Variants in MUC13 observed in about 807,000 individuals in gnomAD.
MUC13 encodes mucin-13.
MUC13 carries 32 observed loss-of-function variants against 48.3 expected under a neutral mutation model. The observed-to-expected ratio is 0.66, with a 90% CI of 0.50 to 0.89. The LOEUF (loss-of-function observed/expected upper bound fraction) is 0.89, where lower values mean the gene tolerates loss of function less well. Ranked by LOEUF, MUC13 falls within the 40% of genes least tolerant of loss-of-function variation. MUC13 has a pLI of 0.00. For synonymous variants in MUC13, 199 were observed against 224.9 expected, an observed-to-expected ratio of 0.88 and a Z score of 1.03; for missense variants, 571 against 622.8, an observed-to-expected ratio of 0.92 and a Z score of 0.88.
rs373691376 is a variant in MUC13 at position 124,910,599 on chromosome 3, C to T, written c.1253-100G>A. 3.2e-4 allele frequency: 484 copies of T among 1,520,796 alleles called. 1 individual carries two copies. The highest frequency in any genetic ancestry group is 1.2e-3 in the East Asian group (51 of 41,030). The allele number at this position is 1,520,796 out of a possible 1,614,324, so 94.2% of individuals were successfully genotyped here. A position where few individuals can be genotyped will look rare whatever the true frequency, so the allele number is the denominator to read the frequency against. Reference sequence around the variant, plus strand: ...TCCCAGGGACTCCTAGCTGTGAAGACGATCAGGTTCTGGTCTCCAACCCTC... The same window carrying T: ...TCCCAGGGACTCCTAGCTGTGAAGATGATCAGGTTCTGGTCTCCAACCCTC... On this transcript the variant is annotated intron_variant, in intron 9 of 11. Transcript: ENST00000616727.
intron 1 of MUC13, among the ~76,000 whole-genome samples, chr3:124,931,430 C>T (rs1228630675): frequency 1.2e-5 from 1 of 85,874 alleles, no homozygotes; most frequent in Non-Finnish European, 2.3e-5. Flanking sequence ...GACTCTGTCT[C>T]AAAAAAAAAA....
intron 1 of MUC13, among the ~76,000 whole-genome samples, chr3:124,928,324 A>T (rs1935731851): frequency 6.6e-6 from 1 of 152,222 alleles, no homozygotes; most frequent in South Asian, 2.1e-4. Context: ...TTAAAAATTA[A>T]ACAGACAAAA....
intron 1 of MUC13, among the ~76,000 whole-genome samples, chr3:124,929,402 A>T (rs1039924030): frequency 8.8e-5 from 8 of 90,934 alleles, no homozygotes; most frequent in East Asian, 2.2e-4. Flanking sequence ...ACAATAGGTT[A>T]AAAAAATTAT....
intron 8 of MUC13, 131 bp from the exon 9 acceptor site, chr3:124,912,272 CT>C: frequency 5.2e-6 from 7 of 1,359,076 alleles, no homozygotes; most frequent in Non-Finnish European, 7.0e-6. Context: ...TTTTTTTCCT[CT>C]TTCTTTTGCC....
intron 1 of MUC13, among the ~76,000 whole-genome samples, chr3:124,930,781 C>A (rs1935782327): frequency 6.6e-6 from 1 of 152,148 alleles, no homozygotes; most frequent in Admixed American, 6.5e-5. Context: ...CGCCTTTCTC[C>A]CAGATCTGAA....
At chr3:124,910,344 G>T in intron 10 of MUC13, 71 bp downstream of exon 10, 1 of 1,566,422 alleles carries the variant, frequency 6.4e-7, no homozygotes, top group South Asian at 1.2e-5. Context: ...GACCAACATG[G>T]GCAACATAGT....
chr3:124,913,279 A>T (rs1935456098), intron 7 of MUC13, 39 bp from the exon 8 acceptor site: 1 of 1,591,738 alleles, frequency 6.3e-7, no homozygotes, highest in Non-Finnish European at 8.6e-7. Flanking sequence ...TTTCAGAAAC[A>T]ATCTCTTTAA....
In MUC13 at chr3:124,905,730, C is replaced by T. The variant is rs1029472417; in HGVS notation, c.*1013G>A. On this transcript the variant is annotated 3_prime_UTR_variant, in exon 12 of 12. Coordinates refer to ENST00000616727, the MANE Select transcript of MUC13 (RefSeq NM_033049.4). ...TACACCCCGAGGCTGGACGGCTGGA[C>T]TCCTGAGCACAAGCTCCCTCTCGCA... The T allele has an allele frequency of 1.3e-5, 2 of 153,042 alleles. No individual in the cohort carries two copies. The highest frequency in any genetic ancestry group is 4.8e-5 in the African/African-American group (2 of 41,458). 9.5% of individuals were successfully genotyped at this position (153,042 alleles called of 1,614,324 possible).
intron 7 of MUC13, 126 bp downstream of exon 7, chr3:124,913,436 A>C (rs1935459063): frequency 6.6e-7 from 1 of 1,518,300 alleles, no homozygotes; most frequent in African/African-American, 1.4e-5. Flanking sequence ...CCATATGTCT[A>C]AAGTCAGAAG....
intron 1 of MUC13, 82 bp downstream of exon 1, chr3:124,934,579 A>G: frequency 2.2e-6 from 2 of 923,664 alleles, no homozygotes; most frequent in Non-Finnish European, 1.8e-6. Context: ...GGCTGGGAGA[A>G]TTGGTAGCTA....
intron 7 of MUC13, 98 bp downstream of exon 7, chr3:124,913,464 T>C (rs922089654): frequency 1.3e-5 from 21 of 1,580,942 alleles, no homozygotes; most frequent in Non-Finnish European, 1.8e-5. Context: ...ACTCGGACTC[T>C]GAAATGCATG....
intron 5 of MUC13, 183 bp downstream of exon 5, chr3:124,920,051 G>A (rs1251908760): frequency 1.5e-6 from 1 of 653,266 alleles, no homozygotes; most frequent in Non-Finnish European, 2.7e-6. Flanking sequence ...CCAGAGTTGG[G>A]GTGACATCAG....
chr3:124,919,489 C>G (rs78120206), intron 5 of MUC13, among the ~76,000 whole-genome samples: 3,414 of 151,866 alleles, frequency 0.022, 123 homozygotes, highest in African/African-American at 0.078. Flanking sequence ...CATGTCTGGC[C>G]TTCACAAAGG....
intron 4 of MUC13, among the ~76,000 whole-genome samples, chr3:124,920,899 C>G (rs1310439681): frequency 6.6e-6 from 1 of 152,210 alleles, no homozygotes; most frequent in African/African-American, 2.4e-5. Flanking sequence ...AGCTGGCCCA[C>G]AGGGCAGAGG....
At chr3:124,913,902 A>G (rs1318392974) in intron 6 of MUC13, among the ~76,000 whole-genome samples, 1 of 151,884 alleles carries the variant, frequency 6.6e-6, no homozygotes, top group African/African-American at 2.4e-5. Context: ...CACAGTGAAA[A>G]TATTTAAAAG....
rs142220795 is a variant in MUC13 at position 124,908,270 on chromosome 3, T to G, written c.1416A>C (p.Thr472=). The change falls in exon 11 of 12, where the codon ACA becomes ACC. Residue 472 remains threonine (T), a synonymous_variant. Transcript: ENST00000616727. The part of the protein sequence containing the change: ...EDFQNLKLRS[T]GFTNLGAEGS... The stretch of plus-strand genomic sequence containing the variant: ...CTTCTGCTCCAAGATTGGTGAAGCC[T>G]GTCGACCGCAGTTTTAGATTTTGAA... 2.2e-5 allele frequency: 36 copies of G among 1,614,130 alleles called. No individual in the cohort carries two copies. In the African/African-American group the frequency reaches 4.7e-4, roughly 21 times the overall value.
rs1221781156 is a variant in MUC13 at position 124,927,551 on chromosome 3, G to A, written c.495C>T (p.Thr165=). ...GPPTGTALLE[T]STLNSTGPSN... Reference sequence around the variant, plus strand: ...CCTTACCTGTGCTGTTTAGGGTGCTGGTCTCCAATAAAGCGGTGCCAGTGG... The same window carrying A: ...CCTTACCTGTGCTGTTTAGGGTGCTAGTCTCCAATAAAGCGGTGCCAGTGG... The change falls in exon 2 of 12, where the codon ACC becomes ACT. Residue 165 remains threonine (T), a synonymous_variant. Coordinates refer to ENST00000616727, the MANE Select transcript of MUC13 (RefSeq NM_033049.4). 1.2e-6 allele frequency: 2 copies of A among 1,614,130 alleles called. No individual in the cohort carries two copies. The highest frequency in any genetic ancestry group is 1.7e-6 in the Non-Finnish European group (2 of 1,179,992).
chr3:124,934,562 T>C (rs1247377756), intron 1 of MUC13, 99 bp downstream of exon 1: 6 of 794,524 alleles, frequency 7.6e-6, no homozygotes, highest in Non-Finnish European at 1.3e-5. Flanking sequence ...AAATAGACCA[T>C]GTGCTGGGCT....
chr3:124,931,439 A>T (rs572549805), intron 1 of MUC13, among the ~76,000 whole-genome samples: 1 of 134,234 alleles, frequency 7.4e-6, no homozygotes, highest in Admixed American at 7.5e-5. Context: ...TCAAAAAAAA[A>T]AAAAAGCAAC....
Sources: allele counts gnomAD v4.1 joint callset (sites outside exome capture counted in the v4.1 genomes callset), GRCh38; gene constraint gnomAD v4.1.1; transcripts MANE v1.5; gene names NCBI Gene and HGNC (gene_info 2026-07-23, HGNC 2026-07-21).